The following MTG2 variants were observed in gnomAD, a reference collection of about 807,000 sequenced individuals.
The protein encoded by MTG2 is mitochondrial ribosome associated GTPase 2.
MTG2 carries 23 observed loss-of-function variants against 28.6 expected under a neutral mutation model. The observed-to-expected ratio is 0.80, with a 90% CI of 0.58 to 1.14. The LOEUF is 1.14. MTG2 is among the 50% of genes most tolerant of loss of function. The pLI is 0.00. For synonymous variants in MTG2, 260 were observed against 251.8 expected, an observed-to-expected ratio of 1.03 and a Z score of -0.31; for missense variants, 539 against 552.0, an observed-to-expected ratio of 0.98 and a Z score of 0.24.
rs765977272 is a variant in MTG2 at position 62,198,785 on chromosome 20, C to T, written c.620C>T (p.Thr207Ile). ...ANNNRAPVTCTPGQPGQQRVL... is the reference protein window; with the variant it reads ...ANNNRAPVTCIPGQPGQQRVL... ...AACAACCGTGCCCCTGTGACCTGTACCCCTGGACAGCCAGGACAGCAGCGA... is the reference window on the plus strand; with the variant it reads ...AACAACCGTGCCCCTGTGACCTGTATCCCTGGACAGCCAGGACAGCAGCGA... The change falls in exon 5 of 7, where the codon ACC becomes ATC. Residue 207 changes from threonine to isoleucine, a missense_variant. Transcript: ENST00000370823. 11 of 1,614,000 alleles carry T rather than the reference C, an allele frequency of 6.8e-6. No homozygotes were observed. The highest frequency in any genetic ancestry group is 6.7e-5 in the Admixed American group (4 of 60,008).
intron 1 of MTG2, among the ~76,000 whole-genome samples, chr20:62,191,408 C>G (rs752389377): frequency 2.0e-5 from 3 of 152,312 alleles, no homozygotes; most frequent in African/African-American, 7.2e-5. Flanking sequence ...ATGGACTGTT[C>G]TGGGTGCAGG....
In MTG2 at chr20:62,199,140, A is replaced by C. The variant is rs778265085; in HGVS notation, c.709A>C (p.Lys237Gln). Reference sequence around the variant, plus strand: ...CCAGGTGGGATTCCCCAACGCCGGGAAGTCCTCACTGCTCCGGGCCATTTC... The same window carrying C: ...CCAGGTGGGATTCCCCAACGCCGGGCAGTCCTCACTGCTCCGGGCCATTTC... Reference protein sequence around the residue: ...AGMVGFPNAGKSSLLRAISNA... With the variant: ...AGMVGFPNAGQSSLLRAISNA... Residue 237 changes from lysine to glutamine, a missense_variant, in exon 6 of 7, where the codon AAG (lysine) becomes CAG (glutamine). Lys to Gln is a moderately conservative substitution (Grantham distance 53). Transcript: ENST00000370823. The C allele has an allele frequency of 4.3e-6, 7 of 1,613,976 alleles. No homozygotes were observed. Among genetic ancestry groups the C allele is most frequent in the Non-Finnish European group, 5.9e-6 (7 of 1,180,022 alleles).
intron 1 of MTG2, among the ~76,000 whole-genome samples, chr20:62,191,510 A>G (rs529452456): frequency 1.9e-4 from 29 of 152,192 alleles, no homozygotes; most frequent in Non-Finnish European, 3.5e-4. Context: ...TTGCCTCAGA[A>G]TTAAAGCAGA....
At position 62,197,956 on chromosome 20, in the gene MTG2, C is replaced by G; in HGVS notation, c.457C>G (p.Leu153Val). The G allele has an allele frequency of 6.2e-7, 1 of 1,613,848 alleles. No homozygotes were observed. Among genetic ancestry groups the G allele is most frequent in the Non-Finnish European group, 8.5e-7 (1 of 1,179,782 alleles). Reference protein sequence around the residue: ...KNCFGRSGAVLYIRVPVGTLV... With the variant: ...KNCFGRSGAVVYIRVPVGTLV... ...CTGCTTCGGGCGCAGTGGCGCCGTC[C>G]TCTACATCCGGGTGAGCCGAGACTG... Residue 153 changes from leucine to valine, a missense_variant, in exon 4 of 7, where the codon CTC becomes GTC. Physicochemically the swap from Leu to Val is conservative, Grantham distance 32 (BLOSUM62 1). Transcript: ENST00000370823.
At position 62,198,775 on chromosome 20, in the gene MTG2, G is replaced by A; in HGVS notation, c.610G>A (p.Val204Met). 1.9e-6 allele frequency: 3 copies of A among 1,614,158 alleles called. No individual in the cohort carries two copies. The highest frequency in any genetic ancestry group is 2.5e-6 in the Non-Finnish European group (3 of 1,180,046). ...FFLANNNRAP[V>M]TCTPGQPGQQ... ...CCTGGCCAACAACAACCGTGCCCCT[G>A]TGACCTGTACCCCTGGACAGCCAGG... The change falls in exon 5 of 7, where the codon GTG becomes ATG. Residue 204 changes from valine to methionine, a missense_variant. Val to Met is a conservative substitution (Grantham distance 21, BLOSUM62 1). Coordinates refer to ENST00000370823, the MANE Select transcript of MTG2 (RefSeq NM_015666.4).
chr20:62,198,737 G>A lies in MTG2; in HGVS notation c.572G>A (p.Gly191Asp). Residue 191 changes from glycine (G) to aspartate (D), a missense_variant, in exon 5 of 7, where the codon GGC (glycine) becomes GAC (aspartate). Gly to Asp is a moderately conservative substitution (Grantham distance 94). Coordinates refer to ENST00000370823, the MANE Select transcript of MTG2 (RefSeq NM_015666.4). ...GCGCTGGGCGGGGCAGGAGGGAAAG[G>A]CAACCGCTTCTTCCTGGCCAACAAC... ...IAALGGAGGK[G>D]NRFFLANNNR... The A allele has an allele frequency of 6.2e-7, 1 of 1,614,126 alleles. No homozygotes were observed. The highest frequency in any genetic ancestry group is 8.5e-7 in the Non-Finnish European group (1 of 1,180,042).
In MTG2 at chr20:62,199,202, C is replaced by T; in HGVS notation, c.771C>T (p.Thr257=). Reference sequence around the variant, plus strand: ...CCGCCGTGGCTTCCTACCCGTTCACCACCCTGAAGCCCCACGTCGGGATCG... The same window carrying T: ...CCGCCGTGGCTTCCTACCCGTTCACTACCCTGAAGCCCCACGTCGGGATCG... ...ARPAVASYPF[T]TLKPHVGIVH... Residue 257 remains threonine (T), a synonymous_variant, in exon 6 of 7, where the codon ACC becomes ACT. Coordinates refer to ENST00000370823, the MANE Select transcript of MTG2 (RefSeq NM_015666.4). The T allele has an allele frequency of 6.2e-7, 1 of 1,614,220 alleles. No individual in the cohort carries two copies. Among genetic ancestry groups the T allele is most frequent in the Non-Finnish European group, 8.5e-7 (1 of 1,180,040 alleles).
chr20:62,184,154 A>C (rs142942019), intron 1 of MTG2, among the ~76,000 whole-genome samples: 3,248 of 152,236 alleles, frequency 0.021, 100 homozygotes, highest in African/African-American at 0.071. Flanking sequence ...GTCAGGAGTT[A>C]AAGACCAGCC....
chr20:62,198,069 C>T, intron 4 of MTG2, 102 bp downstream of exon 4: 2 of 890,602 alleles, frequency 2.2e-6, no homozygotes, highest in Non-Finnish European at 1.8e-6. Context: ...GCTTGATGCC[C>T]ACAGCTAGGA....
rs1422591741 is a variant in MTG2 at position 62,197,983 on chromosome 20, C to T, written c.468+16C>T. On this transcript the variant is annotated intron_variant, in intron 4 of 6. Transcript: ENST00000370823. Reference sequence around the variant, plus strand: ...CTACATCCGGGTGAGCCGAGACTGCCGGACCTGGCCCTGTCCCCGTTGTTC... The same window carrying T: ...CTACATCCGGGTGAGCCGAGACTGCTGGACCTGGCCCTGTCCCCGTTGTTC... 20 of 1,606,388 alleles carry T rather than the reference C, an allele frequency of 1.2e-5. No homozygotes were observed. The Admixed American group carries it at 1.5e-4, about 12-fold the overall frequency.
intron 4 of MTG2, chr20:62,198,314 G>C: frequency 1.9e-6 from 1 of 526,522 alleles, no homozygotes; most frequent in South Asian, 2.2e-5. Context: ...GCGGGCCTGC[G>C]TCTCCTTCGC....
chr20:62,187,530 C>G (rs6142984), intron 1 of MTG2, among the ~76,000 whole-genome samples: 21,189 of 152,150 alleles, frequency 0.14, 1,583 homozygotes, highest in South Asian at 0.22. Flanking sequence ...CAGGGCTATT[C>G]TAGATTGTTT....
At chr20:62,192,241 C>G (rs753162477) in intron 1 of MTG2, among the ~76,000 whole-genome samples, 1 of 152,198 alleles carries the variant, frequency 6.6e-6, no homozygotes, top group African/African-American at 2.4e-5. Context: ...GGAGTTCCTA[C>G]GACCCCTTCA....
intron 1 of MTG2, among the ~76,000 whole-genome samples, chr20:62,191,479 C>A (rs113768136): frequency 6.6e-6 from 1 of 152,160 alleles, no homozygotes; most frequent in Non-Finnish European, 1.5e-5. Context: ...TACTCTTCTT[C>A]CAGCTTTTCT....
At chr20:62,184,084 C>T (rs991490608) in intron 1 of MTG2, among the ~76,000 whole-genome samples, 7 of 152,226 alleles carry the variant, frequency 4.6e-5, no homozygotes, top group Non-Finnish European at 7.3e-5. Context: ...TTCCGCTGGG[C>T]GCGGTGGCTC....
At position 62,201,194 on chromosome 20, in the gene MTG2, T is replaced by A. The variant is rs2058164699; in HGVS notation, c.*117T>A. 2 of 1,293,568 alleles carry A rather than the reference T, an allele frequency of 1.5e-6. No homozygotes were observed. Among genetic ancestry groups the A allele is most frequent in the East Asian group, 5.0e-5 (2 of 39,678 alleles). 80.1% of individuals were successfully genotyped at this position (1,293,568 alleles called of 1,614,324 possible). ...ACGGGGGAGTTGTGGTGCTTCTGGG[T>A]CTCTGGGCCCCGCCTGCTGGCCTGA... On this transcript the variant is annotated 3_prime_UTR_variant, in exon 7 of 7. Transcript: ENST00000370823.
chr20:62,201,409 G>C lies in MTG2; in HGVS notation c.*332G>C. The stretch of plus-strand genomic sequence containing the variant: ...ACTCAGGTCTCCGCCATGCACGCGT[G>C]GACTCTCGGATGAGCTCAGCAGAAC... On this transcript the variant is annotated 3_prime_UTR_variant, in exon 7 of 7. Coordinates refer to ENST00000370823, the MANE Select transcript of MTG2 (RefSeq NM_015666.4). 3 of 326,272 alleles carry C rather than the reference G, an allele frequency of 9.2e-6. 1 individual carries two copies. The South Asian group carries it at 1.2e-4, about 13-fold the overall frequency. 20.2% of individuals were successfully genotyped at this position (326,272 alleles called of 1,614,324 possible).
chr20:62,198,375 A>G (rs575435465), intron 4 of MTG2: 7 of 571,756 alleles, frequency 1.2e-5, no homozygotes, highest in East Asian at 5.9e-5. Flanking sequence ...TTCAGTTCAC[A>G]CTAACGTTTT....
chr20:62,195,651 G>C, intron 2 of MTG2, 151 bp from the exon 3 acceptor site: 1 of 939,036 alleles, frequency 1.1e-6, no homozygotes, highest in Non-Finnish European at 1.6e-6. Context: ...TTTATCTTCG[G>C]AATTTAGAAG....
Sources: gnomAD v4.1 joint callset for allele counts (sites outside exome capture counted in the v4.1 genomes callset) on GRCh38, gnomAD v4.1.1 for gene constraint, MANE v1.5 for transcripts, NCBI Gene and HGNC (gene_info 2026-07-23, HGNC 2026-07-21) for gene names.